The following C3orf20 variants were observed in gnomAD, a reference collection of about 807,000 sequenced individuals.
The protein encoded by C3orf20 is uncharacterized protein C3orf20.
C3orf20 carries 76 observed loss-of-function variants against 88.3 expected under a neutral mutation model. The ratio of observed to expected loss-of-function variants is 0.86; its 90% CI spans 0.72 to 1.04. The LOEUF (loss-of-function observed/expected upper bound fraction) is 1.04. C3orf20 is among the 50% of genes least tolerant of loss of function. C3orf20 has a pLI of 0.00. For missense variants in C3orf20, 1,056 were observed against 1,123.3 expected (o/e 0.94, Z 0.86); for synonymous variants, 436 against 437.4 (o/e 1.00, Z 0.04).
Position 14,715,297 on chromosome 3 carries a change from A to G in C3orf20, c.1322A>G (p.Tyr441Cys). The change falls in exon 9 of 17, where the codon TAT becomes TGT. Residue 441 changes from tyrosine to cysteine, a missense_variant. Transcript: ENST00000253697. ...VHYNLKTSCP[Y>C]VLILDEEGGT... ...TTCTGTATCTCTCCTAGTTGCCCAT[A>G]TGTCTTAATCTTGGATGAGGAAGGT... 1 of 1,611,818 alleles carries G rather than the reference A, an allele frequency of 6.2e-7. No individual in the cohort carries two copies. The highest frequency in any genetic ancestry group is 8.5e-7 in the Non-Finnish European group (1 of 1,179,440).
At chr3:14,771,971 G>A in intron 15 of C3orf20, 96 bp from the exon 16 acceptor site, 1 of 1,486,678 alleles carries the variant, frequency 6.7e-7, no homozygotes, top group Non-Finnish European at 9.2e-7. Context: ...AGAAGCACTT[G>A]TGTCCTTGTC....
At chr3:14,766,014 G>A (rs577014627) in intron 15 of C3orf20, among the ~76,000 whole-genome samples, 2 of 152,324 alleles carry the variant, frequency 1.3e-5, no homozygotes, top group African/African-American at 4.8e-5. Context: ...AAAAACAACT[G>A]GGGGAGTCTG....
At chr3:14,698,136 T>G (rs9817515) in intron 5 of C3orf20, among the ~76,000 whole-genome samples, 101,192 of 151,566 alleles carry the variant, frequency 0.67, 33,866 homozygotes, top group Middle Eastern at 0.71. Context: ...ATCTCCACAC[T>G]GTCTTCAATC....
rs188740075 is a variant in C3orf20, at chr3:14,681,293, C to T, written c.-298-877C>T. ...CACCAGGCAGGCCATCCTGGAATGG[C>T]GAACTTGGGGTGGCTCCAGAGGGTT... On this transcript the variant is annotated intron_variant, in intron 1 of 16. Coordinates refer to ENST00000253697, the MANE Select transcript of C3orf20 (RefSeq NM_032137.5). Among the ~76,000 whole-genome samples, 242 of 152,314 alleles carry T rather than the reference C, an allele frequency of 1.6e-3. 1 individual carries two copies. The highest frequency in any genetic ancestry group is 0.013 in the Admixed American group (196 of 15,302).
chr3:14,739,138 G>C (rs1185880370), intron 12 of C3orf20, among the ~76,000 whole-genome samples: 1 of 152,038 alleles, frequency 6.6e-6, no homozygotes, highest in Admixed American at 6.5e-5. Context: ...TTTTCCAAAG[G>C]TTTTCAATTT....
intron 15 of C3orf20, 121 bp from the exon 16 acceptor site, chr3:14,771,946 G>A (rs778878282): frequency 1.8e-5 from 23 of 1,287,024 alleles, no homozygotes; most frequent in African/African-American, 5.9e-5. Context: ...GTCTCCCTTC[G>A]CTGCCCTCAG....
At chr3:14,677,748 G>T (rs921994158) in intron 1 of C3orf20, among the ~76,000 whole-genome samples, 1 of 152,024 alleles carries the variant, frequency 6.6e-6, no homozygotes, top group Admixed American at 6.6e-5. Flanking sequence ...TGATCTGCCC[G>T]CCTCGGCCTC....
chr3:14,746,192 T>A (rs1431992563), intron 12 of C3orf20, among the ~76,000 whole-genome samples: 1 of 152,204 alleles, frequency 6.6e-6, no homozygotes, highest in Non-Finnish European at 1.5e-5. Flanking sequence ...CTTTGATATG[T>A]CCAATAACAA....
intron 15 of C3orf20, among the ~76,000 whole-genome samples, chr3:14,771,779 G>C (rs899792267): frequency 6.6e-6 from 1 of 152,156 alleles, no homozygotes; most frequent in Non-Finnish European, 1.5e-5. Flanking sequence ...CTCTCCTGTG[G>C]TCACTTACGG....
intron 1 of C3orf20, among the ~76,000 whole-genome samples, chr3:14,676,123 T>TA (rs1478487583): frequency 6.7e-6 from 1 of 149,470 alleles, no homozygotes; most frequent in Non-Finnish European, 1.5e-5. Context: ...CGCCTTTTTT[T>TA]TTTTGGTCAT....
chr3:14,771,732 C>T (rs1329116048), intron 15 of C3orf20, among the ~76,000 whole-genome samples: 3 of 151,800 alleles, frequency 2.0e-5, no homozygotes, highest in African/African-American at 7.3e-5. Flanking sequence ...GCCCACAATA[C>T]CACACATGAT....
chr3:14,752,979 G>A (rs570911790), intron 12 of C3orf20, among the ~76,000 whole-genome samples: 52 of 152,234 alleles, frequency 3.4e-4, no homozygotes, highest in African/African-American at 1.2e-3. Flanking sequence ...CCAGCAATCC[G>A]ATTACTGGGT....
intron 12 of C3orf20, among the ~76,000 whole-genome samples, chr3:14,736,554 G>A (rs1229682352): frequency 2.0e-5 from 3 of 151,170 alleles, no homozygotes; most frequent in South Asian, 2.1e-4. Context: ...GCCTCCCAAA[G>A]TGCTATGATT....
chr3:14,738,164 CTTT>C (rs35948176), intron 12 of C3orf20, among the ~76,000 whole-genome samples: 4 of 107,322 alleles, frequency 3.7e-5, no homozygotes, highest in African/African-American at 7.7e-5. Context: ...ACAAATATTC[CTTT>C]TTTTTTTTTT....
intron 12 of C3orf20, among the ~76,000 whole-genome samples, chr3:14,728,988 A>G (rs2195918): frequency 0.92 from 140,088 of 152,050 alleles, 64,705 homozygotes; most frequent in African/African-American, 0.98. Flanking sequence ...GCTTGAAGGG[A>G]GAAAAAAATG....
At chr3:14,718,371 G>T (rs1428275805) in intron 9 of C3orf20, among the ~76,000 whole-genome samples, 2 of 152,092 alleles carry the variant, frequency 1.3e-5, no homozygotes, top group South Asian at 2.1e-4. Flanking sequence ...CATATTTTCA[G>T]CTCTAGAATT....
chr3:14,744,463 G>A (rs1037526405), intron 12 of C3orf20, among the ~76,000 whole-genome samples: 1 of 151,902 alleles, frequency 6.6e-6, no homozygotes, highest in South Asian at 2.1e-4. Flanking sequence ...CTTCTTCTGA[G>A]CCCTTCAAAC....
chr3:14,699,611 A>C (rs944241095), intron 5 of C3orf20, among the ~76,000 whole-genome samples: 2 of 152,212 alleles, frequency 1.3e-5, no homozygotes, highest in Non-Finnish European at 2.9e-5. Context: ...TACTGTGGCT[A>C]AACTGGTATC....
intron 7 of C3orf20, among the ~76,000 whole-genome samples, chr3:14,713,373 G>A (rs2033821606): frequency 6.6e-6 from 1 of 152,050 alleles, no homozygotes; most frequent in Non-Finnish European, 1.5e-5. Flanking sequence ...CTTTCATTCT[G>A]AAATGCTTCT....
Sources: gnomAD v4.1 joint callset for allele counts (sites outside exome capture counted in the v4.1 genomes callset) on GRCh38, gnomAD v4.1.1 for gene constraint, MANE v1.5 for transcripts, NCBI Gene and HGNC (gene_info 2026-07-23, HGNC 2026-07-21) for gene names.